Variants in EXD3 observed in about 807,000 individuals in gnomAD.
EXD3 encodes exonuclease 3'-5' domain containing 3.
Under a neutral mutation model 98.0 loss-of-function variants are expected in EXD3, and 92 were observed. The observed-to-expected ratio is 0.94, with a 90% CI of 0.79 to 1.12. The LOEUF is 1.12. Ranked by LOEUF, EXD3 falls within the 50% of genes most tolerant of loss-of-function variation. The probability of loss-of-function intolerance (pLI) is 0.00; values close to 1 mark genes in which losing one functional copy is unlikely to be tolerated. For synonymous variants in EXD3, 569 were observed against 526.0 expected (o/e 1.08, Z -1.12); for missense variants, 1,222 against 1,191.6 (o/e 1.03, Z -0.38).
intron 6 of EXD3, among the ~76,000 whole-genome samples, chr9:137,367,111 C>T (rs79691619): frequency 0.01 from 1,572 of 152,318 alleles, 30 homozygotes; most frequent in African/African-American, 0.036. Context: ...AACGAATTCC[C>T]GTAGACAACG....
intron 1 of EXD3, among the ~76,000 whole-genome samples, chr9:137,413,977 T>C (rs1476720763): frequency 6.7e-6 from 1 of 149,234 alleles, no homozygotes; most frequent in Non-Finnish European, 1.5e-5. Context: ...AGTGCAGTGG[T>C]GCCATCTCGG....
chr9:137,336,974 A>AT (rs912935342), intron 17 of EXD3, among the ~76,000 whole-genome samples: 2 of 152,178 alleles, frequency 1.3e-5, no homozygotes, highest in Non-Finnish European at 2.9e-5. Context: ...GTCAGACTAG[A>AT]TTTTTTTAAA....
intron 2 of EXD3, among the ~76,000 whole-genome samples, chr9:137,386,105 G>A (rs1836577227): frequency 6.6e-6 from 1 of 152,024 alleles, no homozygotes; most frequent in African/African-American, 2.4e-5. Context: ...AGACCAGCCT[G>A]GGCAAGACAG....
In EXD3 at chr9:137,307,277, A is replaced by G. The variant is rs1258100768; in HGVS notation, c.2318-14T>C. On this transcript the variant is annotated splice_polypyrimidine_tract_variant and intron_variant, in intron 21 of 21. Coordinates refer to ENST00000340951, the MANE Select transcript of EXD3 (RefSeq NM_017820.5). ...CTGGGGCTGGGCCTGGACAGATAGA[A>G]GTGGACTCCCTGAGCCCTCAGCCTT... is the stretch of plus-strand genomic sequence containing the variant. 6.7e-7 allele frequency: 1 copy of G among 1,486,328 alleles called. No individual in the cohort carries two copies. Among genetic ancestry groups the G allele is most frequent in the Admixed American group, 2.4e-5 (1 of 42,378 alleles). 92.1% of individuals were successfully genotyped at this position (1,486,328 alleles called of 1,614,324 possible).
intron 5 of EXD3, among the ~76,000 whole-genome samples, chr9:137,372,463 C>CTCAG (rs1286129589): frequency 6.6e-6 from 1 of 152,238 alleles, no homozygotes; most frequent in African/African-American, 2.4e-5. Flanking sequence ...GTGCCGGGGA[C>CTCAG]TCAGTCAGTG....
chr9:137,326,596 G>A (rs1259484652), intron 17 of EXD3, among the ~76,000 whole-genome samples: 1 of 152,110 alleles, frequency 6.6e-6, no homozygotes, highest in Non-Finnish European at 1.5e-5. Flanking sequence ...TGGCCAATAA[G>A]CACATGAAAA....
At chr9:137,350,139 T>G (rs1355318169) in intron 14 of EXD3, among the ~76,000 whole-genome samples, 3 of 18,928 alleles carry the variant, frequency 1.6e-4, no homozygotes, top group African/African-American at 5.4e-4. Flanking sequence ...TAGAGAGGGG[T>G]GGGGATCACG....
At chr9:137,316,771 G>A (rs1457268112) in intron 19 of EXD3, among the ~76,000 whole-genome samples, 9 of 152,300 alleles carry the variant, frequency 5.9e-5, no homozygotes, top group African/African-American at 2.2e-4. Context: ...AGTCTAAGAG[G>A]AGGCCGCGGT....
intron 20 of EXD3, among the ~76,000 whole-genome samples, chr9:137,309,090 GC>G (rs1045164004): frequency 2.6e-4 from 40 of 152,084 alleles, no homozygotes; most frequent in African/African-American, 8.9e-4. Context: ...TGGCGGCGGG[GC>G]GGGGGCCATA....
chr9:137,371,010 G>A lies in EXD3; in HGVS notation c.462+1895C>T, dbSNP rs1215333301. 1.3e-5 allele frequency among the ~76,000 whole-genome samples: 2 copies of A among 152,206 alleles called. No homozygotes were observed. The highest frequency in any genetic ancestry group is 2.9e-5 in the Non-Finnish European group (2 of 68,024). On this transcript the variant is annotated intron_variant, in intron 5 of 21. Coordinates refer to ENST00000340951, the MANE Select transcript of EXD3 (RefSeq NM_017820.5). This position sits in a 1 kb window ranked among gnomAD's most constrained non-coding sequence, Gnocchi z 8.0. ...CGGCCTCTTTCGGCCGGGCGCGGCG[G>A]TGAGCAGTGGAGCATGCATCGCCTG...
chr9:137,391,409 T>C (rs1234088190), intron 2 of EXD3, among the ~76,000 whole-genome samples: 1 of 152,170 alleles, frequency 6.6e-6, no homozygotes, highest in Non-Finnish European at 1.5e-5. Context: ...CTGTAGGGCA[T>C]GGGTCTCCTC....
intron 1 of EXD3, among the ~76,000 whole-genome samples, chr9:137,411,720 T>TGGGCGGGGGG (rs1838011086): frequency 2.4e-4 from 1 of 4,110 alleles, no homozygotes; most frequent in African/African-American, 8.9e-4. Flanking sequence ...GGGAGGGGGA[T>TGGGCGGGGGG]GGGTGGGGGA....
chr9:137,356,112 G>T (rs1834772765), intron 8 of EXD3, among the ~76,000 whole-genome samples, 156 bp downstream of exon 8: 2 of 152,218 alleles, frequency 1.3e-5, no homozygotes, highest in South Asian at 2.1e-4. Flanking sequence ...CAGCCACTCT[G>T]GCACGAGCTG....
At chr9:137,337,643 T>A (rs1222180475) in intron 17 of EXD3, among the ~76,000 whole-genome samples, 1 of 151,308 alleles carries the variant, frequency 6.6e-6, no homozygotes, top group Admixed American at 6.6e-5. Context: ...AGAGCGAGAT[T>A]TCTTCTCAAA....
intron 17 of EXD3, among the ~76,000 whole-genome samples, chr9:137,334,615 C>G (rs73581514): frequency 0.014 from 2,194 of 152,100 alleles, 33 homozygotes; most frequent in African/African-American, 0.048. Context: ...ATGTAAGACT[C>G]GAACCATAAA....
In EXD3 at chr9:137,349,612, C is replaced by T. The variant is rs920125047; in HGVS notation, c.1495-81G>A. Reference sequence around the variant, plus strand: ...ACCGTGCCCACTCACACCAGCCCTGCGGGGGCTCTGGAGGAGGCCCCGCCC... The same window carrying T: ...ACCGTGCCCACTCACACCAGCCCTGTGGGGGCTCTGGAGGAGGCCCCGCCC... On this transcript the variant is annotated intron_variant, in intron 14 of 21. Coordinates refer to ENST00000340951, the MANE Select transcript of EXD3 (RefSeq NM_017820.5). The surrounding 1 kb of genome is among the most constrained non-coding windows in gnomAD (Gnocchi z 7.4). The T allele has an allele frequency of 3.0e-5, 42 of 1,398,612 alleles. No individual in the cohort carries two copies. The highest frequency in any genetic ancestry group is 1.8e-4 in the South Asian group (12 of 65,088). 86.6% of individuals were successfully genotyped at this position (1,398,612 alleles called of 1,614,324 possible).
Position 137,306,961 on chromosome 9 carries a change from T to A in EXD3, c.2620A>T (p.Ser874Cys), listed in dbSNP as rs1394307946. The A allele has an allele frequency of 6.3e-7, 1 of 1,580,708 alleles. No homozygotes were observed. Among genetic ancestry groups the A allele is most frequent in the South Asian group, 1.2e-5 (1 of 86,104 alleles). Reference sequence around the variant, plus strand: ...TTGTCTGGCTGTCCTCAGAAGGGACTGCTGGCCGGGCTGGGGGCTGGGCTC... The same window carrying A: ...TTGTCTGGCTGTCCTCAGAAGGGACAGCTGGCCGGGCTGGGGGCTGGGCTC... ...EPSPAPSPAS[S>C]PF The change falls in exon 22 of 22, where the codon AGT becomes TGT. Residue 874 changes from serine (S) to cysteine (C), a missense_variant. Ser to Cys is a moderately radical substitution (Grantham distance 112). Coordinates refer to ENST00000340951, the MANE Select transcript of EXD3 (RefSeq NM_017820.5).
chr9:137,411,769 C>T (rs1314335018), intron 1 of EXD3, among the ~76,000 whole-genome samples: 1 of 150,372 alleles, frequency 6.7e-6, no homozygotes, highest in African/African-American at 2.4e-5. Context: ...GTCGGGGAGG[C>T]GGAGGGCTTC....
chr9:137,410,420 G>A (rs973766300), intron 1 of EXD3, among the ~76,000 whole-genome samples: 5 of 151,460 alleles, frequency 3.3e-5, no homozygotes, highest in Middle Eastern at 3.2e-3. Context: ...AGGAGGTGGA[G>A]GTTGCAGTGA....
Sources: allele counts gnomAD v4.1 joint callset (sites outside exome capture counted in the v4.1 genomes callset), GRCh38; gene constraint gnomAD v4.1.1; non-coding constraint Gnocchi (gnomAD v3.1); transcripts MANE v1.5; gene names NCBI Gene and HGNC (gene_info 2026-07-23, HGNC 2026-07-21).